Variants in SCPPPQ1 observed in about 807,000 individuals in gnomAD.
SCPPPQ1 encodes secretory calcium-binding phosphoprotein proline- and glutamine-rich 1.
At chr4:87,465,299 A>G in the SCPPPQ1 span, among the ~76,000 whole-genome samples, 18 of 152,286 alleles carry the variant, frequency 1.2e-4, no homozygotes, top group Middle Eastern at 3.4e-3. Flanking sequence ...AAATAAGGAA[A>G]GTTTCAGGTC....
At chr4:87,467,921 C>G in the SCPPPQ1 span, among the ~76,000 whole-genome samples, 1 of 152,132 alleles carries the variant, frequency 6.6e-6, no homozygotes, top group Non-Finnish European at 1.5e-5. Flanking sequence ...TCATTTCAGA[C>G]AATGGCAGAC....
the SCPPPQ1 span, among the ~76,000 whole-genome samples, chr4:87,466,312 G>C: frequency 6.6e-6 from 1 of 152,112 alleles, no homozygotes; most frequent in Non-Finnish European, 1.5e-5. Flanking sequence ...GGAGGTTGCA[G>C]TGAGCTGAGA....
At chr4:87,470,434 T>A in the SCPPPQ1 span, among the ~76,000 whole-genome samples, 2 of 152,194 alleles carry the variant, frequency 1.3e-5, no homozygotes, top group Non-Finnish European at 2.9e-5. Flanking sequence ...TTGCTGTTAT[T>A]GCCAGTTATA....
chr4:87,465,559 C>CAAAAAAAAAAAAAAAAAAAAA, the SCPPPQ1 span, among the ~76,000 whole-genome samples: 3 of 98,310 alleles, frequency 3.1e-5, no homozygotes, highest in Admixed American at 1.1e-4. Flanking sequence ...TAGAAATCTA[C>CAAAAAAAAAAAAAAAAAAAAA]AAAAAAAAAA....
chr4:87,468,662 C>G, the SCPPPQ1 span, among the ~76,000 whole-genome samples: 1 of 152,178 alleles, frequency 6.6e-6, no homozygotes, highest in South Asian at 2.1e-4. Flanking sequence ...TCATAAATTA[C>G]CAAAAAAGAA....
the SCPPPQ1 span, among the ~76,000 whole-genome samples, chr4:87,464,531 A>G: frequency 8.5e-5 from 13 of 152,126 alleles, no homozygotes; most frequent in Non-Finnish European, 1.6e-4. Flanking sequence ...CTTTAATAAT[A>G]TTACTTCCTA....
chr4:87,463,014 G>T, the SCPPPQ1 span, among the ~76,000 whole-genome samples: 2 of 136,188 alleles, frequency 1.5e-5, no homozygotes, highest in Admixed American at 1.5e-4. Context: ...AAAAAAAAAA[G>T]CCTGAAGCAA....
At chr4:87,461,994 G>A in the SCPPPQ1 span, 1 of 152,142 alleles carries the variant, frequency 6.6e-6, no homozygotes, top group African/African-American at 2.4e-5. Flanking sequence ...ATAGTAGTGG[G>A]AGAATTATTT....
the SCPPPQ1 span, among the ~76,000 whole-genome samples, chr4:87,464,743 C>T: frequency 6.6e-6 from 1 of 152,108 alleles, no homozygotes; most frequent in Non-Finnish European, 1.5e-5. Flanking sequence ...GAGGCTGAGG[C>T]TGGAGAATCA....
chr4:87,465,910 G>T, the SCPPPQ1 span, among the ~76,000 whole-genome samples: 4 of 148,424 alleles, frequency 2.7e-5, no homozygotes, highest in African/African-American at 9.7e-5. Context: ...CCTACAGTAA[G>T]TGTTACTTTC....
At chr4:87,463,019 A>G in the SCPPPQ1 span, among the ~76,000 whole-genome samples, 3 of 151,746 alleles carry the variant, frequency 2.0e-5, no homozygotes, top group South Asian at 6.2e-4. Flanking sequence ...AAAAAGCCTG[A>G]AGCAAACTTT....
the SCPPPQ1 span, among the ~76,000 whole-genome samples, chr4:87,466,785 C>T: frequency 6.6e-6 from 1 of 151,922 alleles, no homozygotes; most frequent in Non-Finnish European, 1.5e-5. Context: ...TACTGGGGAG[C>T]CTGTGGGAGG....
the SCPPPQ1 span, among the ~76,000 whole-genome samples, chr4:87,466,631 G>A: frequency 1.3e-5 from 2 of 152,222 alleles, no homozygotes; most frequent in East Asian, 3.9e-4. Flanking sequence ...AAGGGAAGGT[G>A]TTTATTAAAT....
chr4:87,469,789 G>C, the SCPPPQ1 span, among the ~76,000 whole-genome samples: 1 of 152,258 alleles, frequency 6.6e-6, no homozygotes, highest in South Asian at 2.1e-4. Flanking sequence ...AAGCCTACAA[G>C]AGTGTTTTTA....
the SCPPPQ1 span, among the ~76,000 whole-genome samples, chr4:87,465,373 A>G: frequency 2.0e-5 from 3 of 152,126 alleles, no homozygotes; most frequent in Admixed American, 6.5e-5. Context: ...ATCAAACAAA[A>G]TATCAATAAC....
At chr4:87,469,706 G>A in the SCPPPQ1 span, among the ~76,000 whole-genome samples, 3 of 152,100 alleles carry the variant, frequency 2.0e-5, no homozygotes, top group Non-Finnish European at 4.4e-5. Flanking sequence ...TTTTTTCTAT[G>A]TAAGTCCTAT....
At chr4:87,467,254 T>C in the SCPPPQ1 span, among the ~76,000 whole-genome samples, 10 of 152,232 alleles carry the variant, frequency 6.6e-5, no homozygotes, top group African/African-American at 2.4e-4. Flanking sequence ...GACTCTATAA[T>C]GTAGTCGACT....
At chr4:87,470,147 G>T in the SCPPPQ1 span, among the ~76,000 whole-genome samples, 1 of 151,594 alleles carries the variant, frequency 6.6e-6, no homozygotes, top group Non-Finnish European at 1.5e-5. Flanking sequence ...TTAGAGATGG[G>T]GTCTTGCTAT....
the SCPPPQ1 span, among the ~76,000 whole-genome samples, chr4:87,470,435 G>GCAA: frequency 1.3e-5 from 2 of 152,082 alleles, no homozygotes; most frequent in Non-Finnish European, 2.9e-5. Context: ...TGCTGTTATT[G>GCAA]CCAGTTATAG....
Sources: allele counts gnomAD v4.1 joint callset (sites outside exome capture counted in the v4.1 genomes callset), GRCh38; gene constraint gnomAD v4.1.1; transcripts MANE v1.5; gene names NCBI Gene and HGNC (gene_info 2026-07-23, HGNC 2026-07-21).